RBMS1: variants seen among roughly 807,000 people sequenced by gnomAD.
RBMS1 encodes the protein RNA binding motif single stranded interacting protein 1, also known as RNA-binding motif, single-stranded-interacting protein 1.
In RBMS1, 17 loss-of-function variants were observed where a neutral mutation model predicts 62.3. The observed-to-expected ratio is 0.27, with a 90% CI of 0.19 to 0.41. The LOEUF (loss-of-function observed/expected upper bound fraction) is 0.41. Among genes scored for constraint, RBMS1 ranks in the 10% least tolerant of loss-of-function variants. RBMS1 has a pLI of 1.00. For synonymous variants in RBMS1, 172 were observed against 170.0 expected (o/e 1.01, Z -0.09); for missense variants, 334 against 504.5 (o/e 0.66, Z 3.24).
At chr2:160,324,158 G>T (rs1313059085) in intron 2 of RBMS1, among the ~76,000 whole-genome samples, 3 of 152,314 alleles carry the variant, frequency 2.0e-5, no homozygotes, top group East Asian at 1.9e-4. Flanking sequence ...AAAATCACCT[G>T]AAGTCCTGGA....
At chr2:160,423,227 T>C (rs528355938) in intron 1 of RBMS1, among the ~76,000 whole-genome samples, 9 of 96,534 alleles carry the variant, frequency 9.3e-5, no homozygotes, top group African/African-American at 2.8e-4. Context: ...TTTTTTTCTT[T>C]CAATTTTTCT....
chr2:160,493,546 TCC>T lies in RBMS1; in HGVS notation c.-185_-184del. 1 of 587,540 alleles carries T rather than the reference TCC, an allele frequency of 1.7e-6. No individual in the cohort carries two copies. The allele number at this position is 587,540 out of a possible 1,614,324, so 36.4% of individuals were successfully genotyped here. On this transcript the variant is annotated 5_prime_UTR_variant, in exon 1 of 14. Transcript: ENST00000348849. ...GTCCTCCTCCTCCTCCTCCTCTTCC[TCC>T]TCCTCCTCCTCCTCCTCCTCCTCTT...
chr2:160,469,389 C>T (rs763419630), intron 1 of RBMS1, among the ~76,000 whole-genome samples: 17 of 152,152 alleles, frequency 1.1e-4, no homozygotes, highest in Non-Finnish European at 1.9e-4. Context: ...TTGTTGCCAC[C>T]CAGCCCTGAC....
intron 1 of RBMS1, chr2:160,416,188 C>T (rs1373787551): frequency 6.7e-6 from 1 of 150,298 alleles, no homozygotes; most frequent in Non-Finnish European, 1.5e-5. Context: ...TGAGGAAATT[C>T]CGATGTTGCC....
At chr2:160,429,620 C>T (rs922853697) in intron 1 of RBMS1, among the ~76,000 whole-genome samples, 1 of 152,020 alleles carries the variant, frequency 6.6e-6, no homozygotes, top group Non-Finnish European at 1.5e-5. Context: ...TGAATATATG[C>T]CATGGTTATT....
chr2:160,423,289 C>T (rs1160804173), intron 1 of RBMS1, among the ~76,000 whole-genome samples: 1 of 129,284 alleles, frequency 7.7e-6, no homozygotes, highest in Non-Finnish European at 1.6e-5. Flanking sequence ...ATATATTTTC[C>T]TTTTAAAAAT....
intron 6 of RBMS1, among the ~76,000 whole-genome samples, chr2:160,289,917 T>C (rs1688594614): frequency 6.6e-6 from 1 of 150,774 alleles, no homozygotes. Flanking sequence ...AATTTTTAGG[T>C]ATTTTAGGGT....
Position 160,473,544 on chromosome 2 carries a change from A to C in RBMS1, c.75+19745T>G, listed in dbSNP as rs927615291. 2.6e-5 allele frequency among the ~76,000 whole-genome samples: 4 copies of C among 152,198 alleles called. No homozygotes were observed. The East Asian group carries it at 7.7e-4, about 29-fold the overall frequency. ...AGAAACATAGGATAAAAGGTAGTAC[A>C]TTCCTACCCTTGAGTTTTATAAGAA... On this transcript the variant is annotated intron_variant, in intron 1 of 13. Coordinates refer to ENST00000348849, the MANE Select transcript of RBMS1 (RefSeq NM_016836.4).
chr2:160,385,637 A>T (rs1694529873), intron 1 of RBMS1, among the ~76,000 whole-genome samples: 2 of 152,200 alleles, frequency 1.3e-5, no homozygotes, highest in African/African-American at 4.8e-5. Context: ...TGACGTGATG[A>T]AATGCTCATC....
At chr2:160,479,059 T>A (rs1399150076) in intron 1 of RBMS1, among the ~76,000 whole-genome samples, 1 of 152,242 alleles carries the variant, frequency 6.6e-6, no homozygotes. Context: ...GTTGTTGTTG[T>A]TGTTGACCAA....
chr2:160,454,855 GA>G (rs1305423913), intron 1 of RBMS1, among the ~76,000 whole-genome samples: 1 of 152,176 alleles, frequency 6.6e-6, no homozygotes, highest in East Asian at 1.9e-4. Context: ...CTTTTAGGTA[GA>G]ATTACTAGTG....
chr2:160,384,678 A>G (rs1694473951), intron 1 of RBMS1, among the ~76,000 whole-genome samples: 1 of 152,198 alleles, frequency 6.6e-6, no homozygotes, highest in African/African-American at 2.4e-5. Flanking sequence ...GGAGGATACC[A>G]TCTATTCCAT....
At chr2:160,484,904 A>AC (rs1338543529) in intron 1 of RBMS1, among the ~76,000 whole-genome samples, 1 of 152,122 alleles carries the variant, frequency 6.6e-6, no homozygotes, top group Non-Finnish European at 1.5e-5. Context: ...GCATCAACGA[A>AC]CCAGGAAAAG....
chr2:160,358,096 A>G (rs1340437025), intron 2 of RBMS1, among the ~76,000 whole-genome samples: 3 of 152,208 alleles, frequency 2.0e-5, no homozygotes, highest in Non-Finnish European at 4.4e-5. Flanking sequence ...CGCTTACCCA[A>G]GAGATGAATG....
chr2:160,357,637 T>C (rs1045483987), intron 2 of RBMS1, among the ~76,000 whole-genome samples: 2 of 152,142 alleles, frequency 1.3e-5, no homozygotes, highest in South Asian at 2.1e-4. Flanking sequence ...ATTTGAATTG[T>C]GGATACTCTC....
chr2:160,277,423 C>A, intron 11 of RBMS1, 40 bp from the exon 12 acceptor site: 1 of 1,515,596 alleles, frequency 6.6e-7, no homozygotes, highest in Admixed American at 1.7e-5. Flanking sequence ...AATGGTAAAC[C>A]ATGCAAAATT....
rs1262495502 is a variant in RBMS1, at chr2:160,273,836, C to T, written c.*936G>A. 6.7e-6 allele frequency: 1 copy of T among 149,972 alleles called. No homozygotes were observed. The highest frequency in any genetic ancestry group is 2.5e-5 in the African/African-American group (1 of 40,714). The allele number at this position is 149,972 out of a possible 1,614,324, so 9.3% of individuals were successfully genotyped here. A position where few individuals can be genotyped will look rare whatever the true frequency, so the allele number is the denominator to read the frequency against. On this transcript the variant is annotated 3_prime_UTR_variant, in exon 14 of 14. Transcript: ENST00000348849. Reference sequence around the variant, plus strand: ...GCATCATACAGCAGATATCCTAAATCAGTCAAACTATCAGAGGAAACTGTT... The same window carrying T: ...GCATCATACAGCAGATATCCTAAATTAGTCAAACTATCAGAGGAAACTGTT...
chr2:160,291,622 C>A (rs1237123056), intron 6 of RBMS1, among the ~76,000 whole-genome samples: 1 of 152,142 alleles, frequency 6.6e-6, no homozygotes, highest in Non-Finnish European at 1.5e-5. Flanking sequence ...GTTTAGGTTT[C>A]TCCTCCTCCC....
intron 1 of RBMS1, among the ~76,000 whole-genome samples, chr2:160,371,365 C>A (rs1434598497): frequency 6.6e-6 from 1 of 152,172 alleles, no homozygotes; most frequent in South Asian, 2.1e-4. Context: ...ATGGATGAAG[C>A]TTGCAACTAT....
Sources: allele counts gnomAD v4.1 joint callset (sites outside exome capture counted in the v4.1 genomes callset), GRCh38; gene constraint gnomAD v4.1.1; transcripts MANE v1.5; gene names NCBI Gene and HGNC (gene_info 2026-07-23, HGNC 2026-07-21).